The following SLC12A3 variants were observed in gnomAD, a reference collection of about 807,000 sequenced individuals.
The protein encoded by SLC12A3 is Na-Cl cotransporter.
SLC12A3 carries 104 observed loss-of-function variants against 121.0 expected under a neutral mutation model. That is an observed-to-expected ratio of 0.86 (90% CI 0.73 to 1.01). SLC12A3 has a LOEUF of 1.01. Ranked by LOEUF, SLC12A3 falls within the 50% of genes least tolerant of loss-of-function variation. SLC12A3 has a pLI of 0.00. For synonymous variants in SLC12A3, 536 were observed against 533.4 expected (o/e 1.00, Z -0.07); for missense variants, 1,328 against 1,356.3 (o/e 0.98, Z 0.33).
chr16:56,867,384 G>C lies in SLC12A3; in HGVS notation c.429+168G>C, dbSNP rs550896231. The stretch of plus-strand genomic sequence containing the variant: ...AATAGACAATAGATTAAAGCCTGCC[G>C]GGGAGTAATTAGAAGAAACTGTGTT... On this transcript the variant is annotated intron_variant, in intron 2 of 25. Transcript: ENST00000563236. 1.6e-3 allele frequency among the ~76,000 whole-genome samples: 239 copies of C among 152,324 alleles called. 2 individuals carry two copies. Among genetic ancestry groups the C allele is most frequent in the African/African-American group, 5.5e-3 (228 of 41,564 alleles).
rs758356184 is a variant in SLC12A3, at chr16:56,867,237, G to A, written c.429+21G>A. 76 of 1,594,152 alleles carry A rather than the reference G, an allele frequency of 4.8e-5. 1 individual carries two copies. The East Asian group carries it at 1.4e-3, about 29-fold the overall frequency. On this transcript the variant is annotated intron_variant, in intron 2 of 25. Transcript: ENST00000563236. ...TGATGGTGAGTGGGGTGTGGGTGGT[G>A]CGTGATGTCCAGAAATGGGGGTGGG...
chr16:56,867,179 A>T lies in SLC12A3; in HGVS notation c.392A>T (p.Glu131Val), dbSNP rs1165310829. The T allele has an allele frequency of 6.2e-7, 1 of 1,613,622 alleles. No homozygotes were observed. The highest frequency in any genetic ancestry group is 2.2e-5 in the East Asian group (1 of 44,866). The change falls in exon 2 of 26, where the codon GAG (glutamate) becomes GTG (valine). Residue 131 changes from glutamate (E) to valine (V), a missense_variant. Glu to Val is a moderately radical substitution (Grantham distance 121, BLOSUM62 -2). Transcript: ENST00000563236. ...GGCACCAGCAGCGAGAAGAACCCCG[A>T]GGAGCCAGTGCGCTTCGGCTGGGTC... is the stretch of plus-strand genomic sequence containing the variant. Reference protein sequence around the residue: ...EAGTSSEKNPEEPVRFGWVKG... With the variant: ...EAGTSSEKNPVEPVRFGWVKG...
chr16:56,880,833 A>T (rs971515384), intron 12 of SLC12A3, among the ~76,000 whole-genome samples: 1 of 152,172 alleles, frequency 6.6e-6, no homozygotes, highest in Non-Finnish European at 1.5e-5. Context: ...GTGACCTTAG[A>T]CAAGGTACTT....
chr16:56,906,657 G>T, intron 25 of SLC12A3: 1 of 411,536 alleles, frequency 2.4e-6, no homozygotes, highest in South Asian at 3.0e-5. Context: ...AGAAATTCAG[G>T]ACCAACTAGC....
chr16:56,880,833 A>G (rs971515384), intron 12 of SLC12A3, among the ~76,000 whole-genome samples: 3 of 152,172 alleles, frequency 2.0e-5, no homozygotes, highest in Admixed American at 2.0e-4. Flanking sequence ...GTGACCTTAG[A>G]CAAGGTACTT....
chr16:56,878,479 T>C (rs1467718813), intron 9 of SLC12A3, among the ~76,000 whole-genome samples: 1 of 151,952 alleles, frequency 6.6e-6, no homozygotes, highest in African/African-American at 2.4e-5. Flanking sequence ...ATGATGATGA[T>C]GATGATGATA....
intron 15 of SLC12A3, 47 bp from the exon 16 acceptor site, chr16:56,886,317 G>C (rs142659787): frequency 7.0e-7 from 1 of 1,434,080 alleles, no homozygotes; most frequent in Non-Finnish European, 9.8e-7. Flanking sequence ...CCAGACCCCC[G>C]TGGGCTCTCT....
In SLC12A3 at chr16:56,867,224, G is replaced by T; in HGVS notation, c.429+8G>T. 1 of 1,603,080 alleles carries T rather than the reference G, an allele frequency of 6.2e-7. No individual in the cohort carries two copies. The highest frequency in any genetic ancestry group is 1.1e-5 in the South Asian group (1 of 89,596). On this transcript the variant is annotated splice_region_variant and intron_variant, in intron 2 of 25. Transcript: ENST00000563236. ...TGGGTCAAGGGGGTGATGGTGAGTGGGGTGTGGGTGGTGCGTGATGTCCAG... is the reference window on the plus strand; with the variant it reads ...TGGGTCAAGGGGGTGATGGTGAGTGTGGTGTGGGTGGTGCGTGATGTCCAG...
intron 25 of SLC12A3, among the ~76,000 whole-genome samples, chr16:56,910,217 AGGCTGGAGTGCAGT>A (rs773590111): frequency 2.0e-5 from 3 of 152,112 alleles, no homozygotes; most frequent in Non-Finnish European, 4.4e-5. Context: ...TCTGTCACCC[AGGCTGGAGTGCAGT>A]GGCAGGATCT....
intron 25 of SLC12A3, among the ~76,000 whole-genome samples, chr16:56,909,246 C>T (rs112092501): frequency 6.6e-6 from 1 of 151,528 alleles, no homozygotes; most frequent in African/African-American, 2.4e-5. Context: ...ATTGATCGAG[C>T]CCAGGAGTTG....
intron 22 of SLC12A3, among the ~76,000 whole-genome samples, chr16:56,897,776 T>C (rs1330210685): frequency 6.6e-6 from 1 of 152,220 alleles, no homozygotes; most frequent in Non-Finnish European, 1.5e-5. Context: ...TGCCTCCCTC[T>C]GTCCCTTGGT....
At chr16:56,892,518 C>T (rs576716439) in intron 20 of SLC12A3, among the ~76,000 whole-genome samples, 4 of 152,312 alleles carry the variant, frequency 2.6e-5, no homozygotes, top group South Asian at 4.1e-4. Flanking sequence ...TGGGGACCCA[C>T]CTAGCAGGCT....
intron 3 of SLC12A3, among the ~76,000 whole-genome samples, 162 bp from the exon 4 acceptor site, chr16:56,869,567 C>T (rs1596889833): frequency 1.3e-5 from 2 of 152,228 alleles, no homozygotes; most frequent in East Asian, 1.9e-4. Context: ...ACCTTATGAT[C>T]TGCCCGCCTC....
At position 56,915,767 on chromosome 16, in the gene SLC12A3, A is replaced by G. The variant is rs1367246282; in HGVS notation, c.*2362A>G. The G allele has an allele frequency of 6.6e-6, 1 of 152,220 alleles. No homozygotes were observed. The highest frequency in any genetic ancestry group is 2.4e-5 in the African/African-American group (1 of 41,452). The allele number at this position is 152,220 out of a possible 1,614,324, so 9.4% of individuals were successfully genotyped here. On this transcript the variant is annotated 3_prime_UTR_variant, in exon 26 of 26. Transcript: ENST00000563236. ...ATAGTATGTTTTTAACAATAGTAAT[A>G]GCTTTGTAAAAAAATAAAAAGCTTT... is the stretch of plus-strand genomic sequence containing the variant.
Position 56,869,742 on chromosome 16 carries a change from C to A in SLC12A3, c.519C>A (p.Ile173=), listed in dbSNP as rs577269101. The A allele has an allele frequency of 5.0e-6, 8 of 1,614,166 alleles. No homozygotes were observed. The East Asian group carries it at 1.8e-4, about 36-fold the overall frequency. Residue 173 remains isoleucine (I), a synonymous_variant, in exon 4 of 26, where the codon ATC becomes ATA. Coordinates refer to ENST00000563236, the MANE Select transcript of SLC12A3 (RefSeq NM_001126108.2). ...TAQAGIVLTW[I]IILLSVTVTS... Reference sequence around the variant, plus strand: ...TGCCCCCTGCAGTCCTGACCTGGATCATCATCCTGCTGTCGGTCACGGTGA... The same window carrying A: ...TGCCCCCTGCAGTCCTGACCTGGATAATCATCCTGCTGTCGGTCACGGTGA...
intron 10 of SLC12A3, 115 bp downstream of exon 10, chr16:56,879,342 G>A: frequency 7.1e-7 from 1 of 1,403,634 alleles, no homozygotes; most frequent in African/African-American, 1.4e-5. Context: ...TTGAGGCCTA[G>A]GCTTAGGAGA....
intron 12 of SLC12A3, among the ~76,000 whole-genome samples, chr16:56,880,949 A>G (rs1259541863): frequency 1.3e-5 from 2 of 152,244 alleles, no homozygotes; most frequent in Admixed American, 6.5e-5. Flanking sequence ...GAAGACCTAC[A>G]TGCATTCATA....
At chr16:56,902,557 G>A in intron 24 of SLC12A3, 49 bp downstream of exon 24, 1 of 1,605,866 alleles carries the variant, frequency 6.2e-7, no homozygotes, top group Non-Finnish European at 8.5e-7. Context: ...CTGGGTCAGG[G>A]ACGGGTGTCC....
chr16:56,881,251 G>T (rs2055236454), intron 12 of SLC12A3, among the ~76,000 whole-genome samples: 1 of 152,218 alleles, frequency 6.6e-6, no homozygotes, highest in African/African-American at 2.4e-5. Context: ...TGATAGCCTA[G>T]TCACTATTAC....
Sources: gnomAD v4.1 joint callset for allele counts (sites outside exome capture counted in the v4.1 genomes callset) on GRCh38, gnomAD v4.1.1 for gene constraint, MANE v1.5 for transcripts, NCBI Gene and HGNC (gene_info 2026-07-23, HGNC 2026-07-21) for gene names.